The following DET1 variants were observed in gnomAD, a reference collection of about 807,000 sequenced individuals.
DET1 encodes DET1 homolog.
In DET1, 22 loss-of-function variants were observed where a neutral mutation model predicts 43.7. The observed-to-expected ratio is 0.50, with a 90% confidence interval of 0.36 to 0.72. The LOEUF is 0.72. DET1 is among the 30% of genes least tolerant of loss of function. The pLI, the probability that DET1 is intolerant of heterozygous loss-of-function variation, is 0.00. For synonymous variants in DET1, 315 were observed against 266.2 expected, an observed-to-expected ratio of 1.18 and a Z score of -1.79; for missense variants, 713 against 713.3, an observed-to-expected ratio of 1.00 and a Z score of 0.00.
intron 3 of DET1, among the ~76,000 whole-genome samples, chr15:88,522,436 T>C (rs2056517311): frequency 6.6e-6 from 1 of 151,716 alleles, no homozygotes; most frequent in Admixed American, 6.6e-5. Context: ...TACTCTACTT[T>C]TTTGGAGAGT....
chr15:88,541,991 A>C (rs1567076224), intron 1 of DET1, among the ~76,000 whole-genome samples: 1 of 152,024 alleles, frequency 6.6e-6, no homozygotes, highest in East Asian at 1.9e-4. Context: ...CCAGGTGATG[A>C]GCGCTCAGCC....
chr15:88,526,681 TA>T (rs1355905425), intron 3 of DET1, among the ~76,000 whole-genome samples: 2 of 152,358 alleles, frequency 1.3e-5, no homozygotes, highest in East Asian at 3.9e-4. Context: ...AACTTTCACC[TA>T]ATTCCTGTTT....
At chr15:88,511,534 T>C (rs561601951), downstream of DET1, 2 of 985,602 alleles carry the variant, frequency 2.0e-6, no homozygotes, top group East Asian at 1.1e-4. Context: ...TCCAGTGCTC[T>C]TCCACAGTAT....
intron 4 of DET1, among the ~76,000 whole-genome samples, chr15:88,515,659 A>T (rs957709704): frequency 6.6e-6 from 1 of 151,828 alleles, no homozygotes; most frequent in Admixed American, 6.6e-5. Context: ...GACAACAGGG[A>T]TACATAAAAA....
rs567307052 is a variant in DET1, at chr15:88,523,746, T to A, written c.1271+3853A>T. 2.0e-3 allele frequency among the ~76,000 whole-genome samples: 311 copies of A among 152,342 alleles called. 2 individuals carry two copies. Among genetic ancestry groups the A allele is most frequent in the African/African-American group, 7.2e-3 (301 of 41,580 alleles). ...AGAGTCTCGCTCACTCAGTGCTCAATCTTGCCCAGGCTGGAGTGCAGTGGC... is the reference window on the plus strand; with the variant it reads ...AGAGTCTCGCTCACTCAGTGCTCAAACTTGCCCAGGCTGGAGTGCAGTGGC... On this transcript the variant is annotated intron_variant, in intron 3 of 4. Transcript: ENST00000268148.
Position 88,531,060 on chromosome 15 carries a change from A to C in DET1, c.646T>G (p.Leu216Val), listed in dbSNP as rs372526027. 33 of 1,613,796 alleles carry C rather than the reference A, an allele frequency of 2.0e-5. No individual in the cohort carries two copies. The highest frequency in any genetic ancestry group is 2.7e-5 in the Non-Finnish European group (32 of 1,179,864). ...TRTFKCDKVV[L>V]SHNQGLYLYK... ...AAGTACAGCCCTTGGTTGTGTGACA[A>C]GACCACCTTGTCACACTTGAACGTG... Residue 216 changes from leucine (L) to valine (V), a missense_variant, in exon 2 of 5, where the codon TTG (leucine) becomes GTG (valine). Coordinates refer to ENST00000268148, the MANE Select transcript of DET1 (RefSeq NM_001144074.3). The surrounding 1 kb of genome is among the most constrained non-coding windows in gnomAD (Gnocchi z 6.2).
At chr15:88,527,809 G>T in intron 2 of DET1, 23 bp from the exon 3 acceptor site, 2 of 1,548,540 alleles carry the variant, frequency 1.3e-6, no homozygotes, top group Non-Finnish European at 1.7e-6. Context: ...AGAGAGAGAG[G>T]TATGGGACAG....
At chr15:88,518,366 A>G (rs1056698408) in intron 3 of DET1, among the ~76,000 whole-genome samples, 4 of 152,338 alleles carry the variant, frequency 2.6e-5, no homozygotes, top group Admixed American at 2.0e-4. Context: ...ATAGAGGAAG[A>G]AAAAATTAAA....
At chr15:88,514,495 G>A (rs555001512) in intron 4 of DET1, among the ~76,000 whole-genome samples, 27 of 152,156 alleles carry the variant, frequency 1.8e-4, no homozygotes, top group Non-Finnish European at 3.2e-4. Flanking sequence ...GAATAAAGAT[G>A]ACTACTATGG....
chr15:88,536,769 T>TGAAAAAAA (rs1598345321), intron 1 of DET1, among the ~76,000 whole-genome samples: 1 of 55,460 alleles, frequency 1.8e-5, no homozygotes, highest in African/African-American at 2.2e-4. Context: ...AGACTCCATC[T>TGAAAAAAA]CAAAAAAAAA....
intron 3 of DET1, among the ~76,000 whole-genome samples, chr15:88,517,473 G>A (rs569629322): frequency 3.3e-5 from 5 of 152,042 alleles, no homozygotes; most frequent in East Asian, 3.9e-4. Flanking sequence ...TGATCTGCCC[G>A]CCTTGGCCTC....
chr15:88,545,171 TA>T (rs200677616), intron 1 of DET1, among the ~76,000 whole-genome samples: 21 of 149,478 alleles, frequency 1.4e-4, no homozygotes, highest in African/African-American at 4.4e-4. Flanking sequence ...AATTATGTAC[TA>T]AAAAAAAAAT....
intron 3 of DET1, among the ~76,000 whole-genome samples, chr15:88,522,904 T>C (rs1424702751): frequency 6.7e-6 from 1 of 149,918 alleles, no homozygotes; most frequent in Non-Finnish European, 1.5e-5. Context: ...TTTTTTGAGA[T>C]AGGGTCTTAC....
downstream of DET1, among the ~76,000 whole-genome samples, chr15:88,510,070 C>T (rs2056181147): frequency 6.6e-6 from 1 of 152,160 alleles, no homozygotes. Context: ...GCAGTTTATC[C>T]TTATCCTAAC....
intron 3 of DET1, among the ~76,000 whole-genome samples, chr15:88,519,921 C>T (rs548169575): frequency 1.3e-4 from 20 of 152,270 alleles, no homozygotes; most frequent in African/African-American, 3.6e-4. Context: ...ATTTCATCTC[C>T]CCTCCTCCAT....
chr15:88,536,348 G>A (rs1331853176), intron 1 of DET1: 4 of 779,388 alleles, frequency 5.1e-6, no homozygotes, highest in South Asian at 2.7e-5. Context: ...AGAGAGCAGG[G>A]AACTGGTCTA....
chr15:88,521,454 C>A (rs1399303769), intron 3 of DET1, among the ~76,000 whole-genome samples: 10 of 152,216 alleles, frequency 6.6e-5, no homozygotes, highest in Non-Finnish European at 1.0e-4. Flanking sequence ...AATGGTCTGA[C>A]AGGTGGACAG....
chr15:88,519,579 T>C (rs1434537162), intron 3 of DET1, among the ~76,000 whole-genome samples: 2 of 152,176 alleles, frequency 1.3e-5, no homozygotes, highest in Non-Finnish European at 2.9e-5. Flanking sequence ...AATCCACTGA[T>C]TCTACCAACT....
At chr15:88,535,438 GA>G (rs36091832) in intron 1 of DET1, among the ~76,000 whole-genome samples, 176 of 143,762 alleles carry the variant, frequency 1.2e-3, no homozygotes, top group South Asian at 2.2e-3. Flanking sequence ...AGAATGCTAA[GA>G]AAAAAAAAAA....
Sources: gnomAD v4.1 joint callset for allele counts (sites outside exome capture counted in the v4.1 genomes callset) on GRCh38, gnomAD v4.1.1 for gene constraint, Gnocchi (gnomAD v3.1) non-coding constraint, MANE v1.5 for transcripts, NCBI Gene and HGNC (gene_info 2026-07-23, HGNC 2026-07-21) for gene names.